AVEN: variants seen among roughly 807,000 people sequenced by gnomAD.
AVEN encodes the protein apoptosis and caspase activation inhibitor, also known as cell death regulator Aven.
A neutral mutation model predicts 38.1 loss-of-function variants in AVEN; 41 were observed. That is an observed-to-expected ratio of 1.08 (90% CI 0.84 to 1.40). The LOEUF (loss-of-function observed/expected upper bound fraction) is 1.40. AVEN is among the 40% of genes most tolerant of loss of function. The probability of loss-of-function intolerance (pLI) is 0.00; values close to 1 mark genes in which losing one functional copy is unlikely to be tolerated. For missense variants in AVEN, 605 were observed against 438.8 expected, an observed-to-expected ratio of 1.38 and a Z score of -3.38; for synonymous variants, 206 against 171.8, an observed-to-expected ratio of 1.20 and a Z score of -1.56.
At chr15:33,983,183 C>CGTGT (rs536612414) in intron 2 of AVEN, among the ~76,000 whole-genome samples, 1 of 96,830 alleles carries the variant, frequency 1.0e-5, no homozygotes, top group African/African-American at 3.6e-5. Flanking sequence ...TATATACACA[C>CGTGT]GTGTGTGTAT....
At chr15:33,928,994 A>G (rs753791717) in intron 2 of AVEN, among the ~76,000 whole-genome samples, 1 of 152,322 alleles carries the variant, frequency 6.6e-6, no homozygotes, top group Non-Finnish European at 1.5e-5. Flanking sequence ...CCATCTAATC[A>G]TAACGGCCTC....
chr15:33,990,230 A>T (rs1417580075), intron 2 of AVEN, among the ~76,000 whole-genome samples: 10 of 151,722 alleles, frequency 6.6e-5, no homozygotes, highest in Non-Finnish European at 1.5e-4. Flanking sequence ...AAACAAAAAA[A>T]ACTTAGCCAG....
chr15:33,942,481 C>T (rs976992763), intron 2 of AVEN, among the ~76,000 whole-genome samples: 1 of 151,692 alleles, frequency 6.6e-6, no homozygotes, highest in African/African-American at 2.4e-5. Flanking sequence ...GATGGAGTCT[C>T]GCTCTGTTGC....
At chr15:34,062,966 C>T in exon 5 of AVEN, 1 of 1,613,968 alleles carries the variant, frequency 6.2e-7, no homozygotes, top group Non-Finnish European at 8.5e-7. Context: ...GAATCTTCTC[C>T]ATGAACCTCT....
At chr15:34,064,010 A>T in intron 4 of AVEN, 1 of 1,614,154 alleles carries the variant, frequency 6.2e-7, no homozygotes, top group Non-Finnish European at 8.5e-7. Flanking sequence ...AACGAAAGAG[A>T]GTGGTCCTAG....
At chr15:34,031,992 G>A (rs1898861198) in intron 1 of AVEN, among the ~76,000 whole-genome samples, 1 of 147,276 alleles carries the variant, frequency 6.8e-6, no homozygotes, top group Admixed American at 7.1e-5. Context: ...ACTTATTTCT[G>A]GCACCTCAAC....
downstream of AVEN, chr15:33,854,533 A>C (rs577200017): frequency 4.1e-6 from 5 of 1,205,206 alleles, no homozygotes; most frequent in African/African-American, 6.2e-5. Context: ...GATGCTCAGA[A>C]GGGTTCAGGG....
intron 3 of AVEN, among the ~76,000 whole-genome samples, chr15:33,874,274 G>C (rs941565618): frequency 6.6e-6 from 1 of 151,976 alleles, no homozygotes; most frequent in Non-Finnish European, 1.5e-5. Flanking sequence ...AATAGAGAAG[G>C]AAAAAGTTTG....
At chr15:33,987,294 G>T (rs1896519450) in intron 2 of AVEN, among the ~76,000 whole-genome samples, 1 of 152,040 alleles carries the variant, frequency 6.6e-6, no homozygotes, top group Non-Finnish European at 1.5e-5. Context: ...TACATTTGAA[G>T]GTTTTTTCAT....
intron 2 of AVEN, among the ~76,000 whole-genome samples, chr15:33,894,661 T>G (rs1197736108): frequency 7.2e-6 from 1 of 138,236 alleles, no homozygotes; most frequent in Non-Finnish European, 1.5e-5. Context: ...ATACAAAAAA[T>G]TAGGTGGGCA....
At chr15:33,928,967 C>T (rs1893736057) in intron 2 of AVEN, among the ~76,000 whole-genome samples, 1 of 152,114 alleles carries the variant, frequency 6.6e-6, no homozygotes, top group Admixed American at 6.5e-5. Context: ...AGATGAGAAC[C>T]TCCAGCAAGG....
intron 2 of AVEN, among the ~76,000 whole-genome samples, chr15:33,999,612 T>C (rs1897062270): frequency 6.6e-6 from 1 of 152,150 alleles, no homozygotes; most frequent in Admixed American, 6.5e-5. Flanking sequence ...ATACCCAGCA[T>C]TTGCAAGTGC....
In AVEN at chr15:33,928,941, G is replaced by A. The variant is rs1457677610; in HGVS notation, c.446-52946C>T. Among the ~76,000 whole-genome samples, 9 of 152,204 alleles carry A rather than the reference G, an allele frequency of 5.9e-5. No homozygotes were observed. In the East Asian group the frequency reaches 1.7e-3, roughly 29 times the overall value. On this transcript the variant is annotated intron_variant, in intron 2 of 5. Transcript: ENST00000306730. ...AATAATACTGTGGAATACTACCTAA[G>A]ATGTTCCTACTCTAGAGATGAGAAC...
chr15:33,854,781 G>A, downstream of AVEN: 1 of 1,609,140 alleles, frequency 6.2e-7, no homozygotes, highest in Non-Finnish European at 8.5e-7. Flanking sequence ...TCTCTACCTT[G>A]CCTGGTATAC....
At chr15:33,922,860 G>A (rs1245795341) in intron 2 of AVEN, among the ~76,000 whole-genome samples, 8 of 152,104 alleles carry the variant, frequency 5.3e-5, no homozygotes, top group African/African-American at 9.7e-5. Flanking sequence ...GGGTGTCTGT[G>A]ACTCAATCCT....
chr15:34,067,728 G>C (rs1169855403), intron 2 of AVEN, among the ~76,000 whole-genome samples: 1 of 152,146 alleles, frequency 6.6e-6, no homozygotes, highest in Non-Finnish European at 1.5e-5. Context: ...AGGGAGGTGG[G>C]GCAGACCTGA....
chr15:33,874,981 C>T (rs922115694), intron 3 of AVEN, among the ~76,000 whole-genome samples: 22 of 152,186 alleles, frequency 1.4e-4, no homozygotes, highest in African/African-American at 5.3e-4. Flanking sequence ...ATTTGTAATT[C>T]TCACCTTTTT....
chr15:34,014,375 A>AAAAG (rs1897777802), intron 1 of AVEN, among the ~76,000 whole-genome samples: 1 of 103,386 alleles, frequency 9.7e-6, no homozygotes, highest in African/African-American at 3.1e-5. Flanking sequence ...ATTAAAAAAA[A>AAAAG]AAAAAAAAAC....
intron 2 of AVEN, among the ~76,000 whole-genome samples, chr15:33,983,580 A>G (rs1457602141): frequency 6.6e-6 from 1 of 152,086 alleles, no homozygotes; most frequent in Non-Finnish European, 1.5e-5. Flanking sequence ...CTTTTAAGGA[A>G]AAACAGTATC....
Sources: gnomAD v4.1 joint callset for allele counts (sites outside exome capture counted in the v4.1 genomes callset) on GRCh38, gnomAD v4.1.1 for gene constraint, MANE v1.5 for transcripts, NCBI Gene and HGNC (gene_info 2026-07-23, HGNC 2026-07-21) for gene names.